IPO11: variants seen among roughly 807,000 people sequenced by gnomAD.
The protein encoded by IPO11 is importin-11.
A neutral mutation model predicts 143.2 loss-of-function variants in IPO11; 66 were observed. The ratio of observed to expected loss-of-function variants is 0.46; its 90% confidence interval spans 0.38 to 0.57. The LOEUF (loss-of-function observed/expected upper bound fraction) is 0.57. Ranked by LOEUF, IPO11 falls within the 20% of genes least tolerant of loss-of-function variation. The pLI, the probability that IPO11 is intolerant of heterozygous loss-of-function variation, is 0.00. For missense variants in IPO11, 1,026 were observed against 1,141.0 expected (o/e 0.90, Z 1.45); for synonymous variants, 385 against 377.8 (o/e 1.02, Z -0.22).
At chr5:62,598,657 A>G (rs1181827023) in intron 28 of IPO11, among the ~76,000 whole-genome samples, 34 of 148,250 alleles carry the variant, frequency 2.3e-4, no homozygotes, top group Non-Finnish European at 1.5e-5. Flanking sequence ...CAGTTCTCTC[A>G]TCTCAGCCTC....
chr5:62,612,516 G>GA (rs1745961584), intron 29 of IPO11, among the ~76,000 whole-genome samples: 1 of 152,150 alleles, frequency 6.6e-6, no homozygotes, highest in South Asian at 2.1e-4. Context: ...ATAGATACGA[G>GA]AATCCGGCTT....
intron 15 of IPO11, among the ~76,000 whole-genome samples, chr5:62,490,934 C>G (rs781333827): frequency 3.9e-5 from 6 of 152,020 alleles, no homozygotes; most frequent in East Asian, 1.9e-4. Context: ...CCAATTCTTA[C>G]GTTTTATATA....
At chr5:62,481,507 A>T (rs1010018675) in intron 9 of IPO11, among the ~76,000 whole-genome samples, 1 of 151,958 alleles carries the variant, frequency 6.6e-6, no homozygotes. Context: ...TTCTGCATCT[A>T]TTGAGATAAT....
At chr5:62,476,842 C>T in intron 9 of IPO11, 89 bp downstream of exon 9, 1 of 1,309,102 alleles carries the variant, frequency 7.6e-7, no homozygotes, top group South Asian at 1.8e-5. Context: ...CATACATTTT[C>T]ACTTTAGTGT....
Position 62,543,149 on chromosome 5 carries a change from T to C in IPO11, c.2250+5860T>C, listed in dbSNP as rs540039652. Among the ~76,000 whole-genome samples the C allele has an allele frequency of 4.1e-4, 63 of 152,332 alleles. 2 individuals are homozygous for C. Among genetic ancestry groups the C allele is most frequent in the African/African-American group, 1.5e-3 (61 of 41,590 alleles). ...TGATATAACACAAGCATTTTGACTTTAGGATCCATGCGTTTAATCACTTTG... is the reference window on the plus strand; with the variant it reads ...TGATATAACACAAGCATTTTGACTTCAGGATCCATGCGTTTAATCACTTTG... On this transcript the variant is annotated intron_variant, in intron 24 of 29. Transcript: ENST00000325324.
chr5:62,482,347 C>T (rs552956857), intron 9 of IPO11, among the ~76,000 whole-genome samples: 205 of 152,190 alleles, frequency 1.3e-3, no homozygotes, highest in African/African-American at 4.7e-3. Flanking sequence ...TGTGTTTGCT[C>T]TTCCTTCTCT....
chr5:62,420,867 C>T (rs1018978971), intron 1 of IPO11, among the ~76,000 whole-genome samples: 17 of 152,146 alleles, frequency 1.1e-4, no homozygotes, highest in African/African-American at 3.1e-4. Flanking sequence ...AGGCGTGAGC[C>T]GCCATTTTTA....
intron 26 of IPO11, among the ~76,000 whole-genome samples, chr5:62,560,035 A>G (rs1026409720): frequency 6.6e-6 from 1 of 150,972 alleles, no homozygotes; most frequent in Non-Finnish European, 1.5e-5. Flanking sequence ...GGTTTATTAT[A>G]TTTTATAGGG....
chr5:62,518,455 A>G (rs1228070339), intron 20 of IPO11, among the ~76,000 whole-genome samples: 1 of 151,318 alleles, frequency 6.6e-6, no homozygotes, highest in Non-Finnish European at 1.5e-5. Flanking sequence ...AAAAAAAAAA[A>G]GCCCAAAAAT....
chr5:62,610,261 C>T (rs907833674), intron 29 of IPO11, among the ~76,000 whole-genome samples: 14 of 152,026 alleles, frequency 9.2e-5, no homozygotes, highest in Non-Finnish European at 1.6e-4. Context: ...TTTCTTTTTT[C>T]CTTCAAAAAT....
At chr5:62,588,620 G>A (rs1461978831) in intron 27 of IPO11, among the ~76,000 whole-genome samples, 2 of 152,202 alleles carry the variant, frequency 1.3e-5, no homozygotes, top group South Asian at 2.1e-4. Flanking sequence ...TGACCCAACA[G>A]ATGCCCTGTG....
chr5:62,474,920 G>A (rs767139907), intron 8 of IPO11, among the ~76,000 whole-genome samples: 28 of 152,152 alleles, frequency 1.8e-4, no homozygotes, highest in Non-Finnish European at 2.5e-4. Flanking sequence ...GGGGCAGGAC[G>A]GAGTGGGTCA....
chr5:62,606,037 T>C (rs1329242851), intron 29 of IPO11, among the ~76,000 whole-genome samples: 2 of 152,084 alleles, frequency 1.3e-5, no homozygotes, highest in Non-Finnish European at 2.9e-5. Flanking sequence ...TCCCTATTTT[T>C]TCATATTATT....
At chr5:62,467,289 T>G in intron 6 of IPO11, 26 bp downstream of exon 6, 1 of 1,598,440 alleles carries the variant, frequency 6.3e-7, no homozygotes, top group South Asian at 1.1e-5. Context: ...ATATGTTCAT[T>G]TTTGAAATGA....
At chr5:62,492,594 A>G (rs1200077337) in intron 15 of IPO11, among the ~76,000 whole-genome samples, 2 of 152,116 alleles carry the variant, frequency 1.3e-5, no homozygotes, top group African/African-American at 2.4e-5. Flanking sequence ...CCCAGGCTAG[A>G]GTGCAGTGCC....
At chr5:62,584,201 T>C (rs1326130867) in intron 27 of IPO11, among the ~76,000 whole-genome samples, 2 of 152,182 alleles carry the variant, frequency 1.3e-5, no homozygotes, top group African/African-American at 4.8e-5. Flanking sequence ...ACTGAGAACT[T>C]ACTCTCAACC....
intron 28 of IPO11, among the ~76,000 whole-genome samples, chr5:62,598,530 TCTTTCTTTTCTTTC>T (rs1745363103): frequency 6.0e-5 from 1 of 16,700 alleles, no homozygotes; most frequent in African/African-American, 3.8e-4. Flanking sequence ...TTCTTTCTTT[TCTTTCTTTTCTTTC>T]TTTTCTTTCT....
intron 29 of IPO11, among the ~76,000 whole-genome samples, chr5:62,619,715 C>T (rs540691507): frequency 6.6e-6 from 1 of 151,750 alleles, no homozygotes; most frequent in South Asian, 2.1e-4. Context: ...TAGCCGGGCA[C>T]GGTGGTGGGC....
intron 1 of IPO11, among the ~76,000 whole-genome samples, chr5:62,415,925 C>T (rs528210037): frequency 1.8e-3 from 270 of 152,244 alleles, no homozygotes; most frequent in Non-Finnish European, 3.3e-3. Flanking sequence ...TTTCTCCTTA[C>T]GGGCAATATT....
Sources: gnomAD v4.1 joint callset for allele counts (sites outside exome capture counted in the v4.1 genomes callset) on GRCh38, gnomAD v4.1.1 for gene constraint, MANE v1.5 for transcripts, NCBI Gene and HGNC (gene_info 2026-07-23, HGNC 2026-07-21) for gene names.